The following TCP11L1 variants were observed in gnomAD, a reference collection of about 807,000 sequenced individuals.
The protein encoded by TCP11L1 is t-complex 11 like 1.
A neutral mutation model predicts 48.9 loss-of-function variants in TCP11L1; 28 were observed. The observed-to-expected ratio is 0.57, with a 90% CI of 0.42 to 0.78. TCP11L1 has a LOEUF of 0.78. TCP11L1 is among the 30% of genes least tolerant of loss of function. The pLI is 0.00. For missense variants in TCP11L1, 505 were observed against 613.4 expected, an observed-to-expected ratio of 0.82 and a Z score of 1.87; for synonymous variants, 204 against 231.9, an observed-to-expected ratio of 0.88 and a Z score of 1.09.
rs556871696 is a variant in TCP11L1, at chr11:33,073,253, C to CT, written c.*588dup. The CT allele has an allele frequency of 0.024, 3,609 of 148,234 alleles. 60 individuals are homozygous for CT. Among genetic ancestry groups the CT allele is most frequent in the Non-Finnish European group, 0.032 (2,138 of 66,924 alleles). The allele number at this position is 148,234 out of a possible 1,614,324, so 9.2% of individuals were successfully genotyped here. A position where few individuals can be genotyped will look rare whatever the true frequency, so the allele number is the denominator to read the frequency against. ...AGAGGAGAGTTATTTGTCTCTCTCT[C>CT]TTTTTTTTTTTACTTTCTTTTTTGT... On this transcript the variant is annotated 3_prime_UTR_variant, in exon 10 of 10. Transcript: ENST00000334274.
At position 33,068,827 on chromosome 11, in the gene TCP11L1, C is replaced by T; in HGVS notation, c.1295C>T (p.Ala432Val). The T allele has an allele frequency of 6.2e-7, 1 of 1,614,020 alleles. No individual in the cohort carries two copies. The highest frequency in any genetic ancestry group is 8.5e-7 in the Non-Finnish European group (1 of 1,179,914). Residue 432 changes from alanine to valine, a missense_variant, in exon 9 of 10, where the codon GCC becomes GTC. Around this residue, in one of 3 missense-constraint regions of TCP11L1, gnomAD observed 335 missense variants for 413.3 expected, o/e 0.81. Coordinates refer to ENST00000334274, the MANE Select transcript of TCP11L1 (RefSeq NM_018393.4). ...TVLKGQIQAV[A>V]SPDDPIRRIM... is the part of the protein sequence containing the mutation. ...CTCAAGGGCCAGATCCAGGCCGTGGCCAGTCCCGATGACCCCATTCGCAGG... is the reference window on the plus strand; with the variant it reads ...CTCAAGGGCCAGATCCAGGCCGTGGTCAGTCCCGATGACCCCATTCGCAGG...
rs368870869 is a variant in TCP11L1 at position 33,043,966 on chromosome 11, A to G, written c.163+30A>G. The G allele has an allele frequency of 2.9e-5, 46 of 1,564,842 alleles. No individual in the cohort carries two copies. In the East Asian group the frequency reaches 3.2e-4, roughly 11 times the overall value. On this transcript the variant is annotated intron_variant, in intron 2 of 9. Transcript: ENST00000334274. Reference sequence around the variant, plus strand: ...GCAAATTTGACTTTGGTTAGATGCAATATTGTCATTGTTTTCAGGTGACGG... The same window carrying G: ...GCAAATTTGACTTTGGTTAGATGCAGTATTGTCATTGTTTTCAGGTGACGG...
Position 33,072,828 on chromosome 11 carries a change from G to C in TCP11L1, c.*152G>C. On this transcript the variant is annotated 3_prime_UTR_variant, in exon 10 of 10. Coordinates refer to ENST00000334274, the MANE Select transcript of TCP11L1 (RefSeq NM_018393.4). ...GAATATTGTGTATCACTGTTGAAAA[G>C]ACTTGTTGAGAAATCCACTGAATTC... 1.3e-6 allele frequency: 1 copy of C among 793,084 alleles called. No homozygotes were observed. 49.1% of individuals were successfully genotyped at this position (793,084 alleles called of 1,614,324 possible). A position where few individuals can be genotyped will look rare whatever the true frequency, so the allele number is the denominator to read the frequency against.
At position 33,054,658 on chromosome 11, in the gene TCP11L1, G is replaced by T; in HGVS notation, c.229G>T (p.Ala77Ser). 6.2e-7 allele frequency: 1 copy of T among 1,613,896 alleles called. No individual in the cohort carries two copies. The highest frequency in any genetic ancestry group is 8.5e-7 in the Non-Finnish European group (1 of 1,179,922). ...LETARGVTNM[A>S]LAHEIVVNGD... ...GACAGCGAGAGGTGTCACCAACATG[G>T]CTCTAGCCCATGAAATTGTAGTAAA... Residue 77 changes from alanine (A) to serine (S), a missense_variant, in exon 3 of 10, where the codon GCT becomes TCT. Ala to Ser is a moderately conservative substitution (Grantham distance 99, BLOSUM62 1). Around this residue, in one of 3 missense-constraint regions of TCP11L1, gnomAD observed 168 missense variants for 183.5 expected, o/e 0.92. Transcript: ENST00000334274.
intron 1 of TCP11L1, among the ~76,000 whole-genome samples, chr11:33,042,331 C>T (rs1270250770): frequency 6.6e-5 from 10 of 152,074 alleles, no homozygotes; most frequent in African/African-American, 9.7e-5. Flanking sequence ...GGGGTTTCAG[C>T]GTGTTAGCCA....
At chr11:33,048,297 A>C (rs1364426948) in intron 2 of TCP11L1, among the ~76,000 whole-genome samples, 2 of 151,968 alleles carry the variant, frequency 1.3e-5, no homozygotes, top group Admixed American at 1.3e-4. Flanking sequence ...ACAAGTGTGC[A>C]CCACCATGTC....
intron 8 of TCP11L1, among the ~76,000 whole-genome samples, chr11:33,068,475 A>G (rs1223675159): frequency 1.3e-5 from 2 of 151,842 alleles, no homozygotes; most frequent in Non-Finnish European, 2.9e-5. Context: ...TGCCCTTCCC[A>G]CTGTCCTTTC....
At chr11:33,052,906 T>C (rs1009645388) in intron 2 of TCP11L1, among the ~76,000 whole-genome samples, 4 of 152,130 alleles carry the variant, frequency 2.6e-5, no homozygotes, top group East Asian at 1.9e-4. Context: ...GGTGGGAAGA[T>C]GATTTGAGCC....
At chr11:33,050,130 A>T (rs1854115999) in intron 2 of TCP11L1, among the ~76,000 whole-genome samples, 1 of 152,244 alleles carries the variant, frequency 6.6e-6, no homozygotes, top group Non-Finnish European at 1.5e-5. Flanking sequence ...AACACAGCAC[A>T]GGTCTCTGCT....
chr11:33,058,622 G>A (rs1180815005), intron 5 of TCP11L1, among the ~76,000 whole-genome samples: 1 of 151,694 alleles, frequency 6.6e-6, no homozygotes, highest in African/African-American at 2.4e-5. Context: ...CCTCTCAGAG[G>A]CATAATCACT....
intron 2 of TCP11L1, among the ~76,000 whole-genome samples, chr11:33,047,216 G>GAA (rs11385765): frequency 2.1e-3 from 274 of 133,224 alleles, no homozygotes; most frequent in African/African-American, 5.7e-3. Context: ...TTCATCTCAA[G>GAA]AAAAAAAAAA....
intron 1 of TCP11L1, chr11:33,040,767 TCC>T (rs1853807351): frequency 8.2e-5 from 5 of 61,040 alleles, no homozygotes; most frequent in African/African-American, 2.8e-4. Context: ...CCTTTTCACC[TCC>T]TCTCCCCCTC....
At chr11:33,044,606 A>G (rs1853934609) in intron 2 of TCP11L1, among the ~76,000 whole-genome samples, 1 of 152,210 alleles carries the variant, frequency 6.6e-6, no homozygotes, top group South Asian at 2.1e-4. Flanking sequence ...TAAATTGTAG[A>G]TGATCAGTAG....
intron 1 of TCP11L1, chr11:33,040,918 G>T (rs1853813786): frequency 2.0e-5 from 3 of 152,106 alleles, no homozygotes; most frequent in Admixed American, 6.5e-5. Flanking sequence ...TATTCCCTGG[G>T]CAATTTCATA....
chr11:33,072,851 T>C lies in TCP11L1; in HGVS notation c.*175T>C. Reference sequence around the variant, plus strand: ...AAGACTTGTTGAGAAATCCACTGAATTCTATTTTGAGAGATTGTATTTATG... The same window carrying C: ...AAGACTTGTTGAGAAATCCACTGAACTCTATTTTGAGAGATTGTATTTATG... On this transcript the variant is annotated 3_prime_UTR_variant, in exon 10 of 10. Transcript: ENST00000334274. 5.7e-6 allele frequency: 4 copies of C among 703,356 alleles called. No homozygotes were observed. The highest frequency in any genetic ancestry group is 2.9e-5 in the Admixed American group (1 of 34,208). The allele number at this position is 703,356 out of a possible 1,614,324, so 43.6% of individuals were successfully genotyped here. A position where few individuals can be genotyped will look rare whatever the true frequency, so the allele number is the denominator to read the frequency against.
intron 2 of TCP11L1, among the ~76,000 whole-genome samples, chr11:33,053,280 G>T (rs1590227530): frequency 6.6e-6 from 1 of 152,160 alleles, no homozygotes; most frequent in Non-Finnish European, 1.5e-5. Context: ...AAGGAGCTGG[G>T]ATTACAGGCA....
intron 8 of TCP11L1, among the ~76,000 whole-genome samples, chr11:33,066,517 T>C (rs1854625020): frequency 6.6e-6 from 1 of 151,920 alleles, no homozygotes. Context: ...TTGCTTGCCT[T>C]GAGGAATTGG....
At chr11:33,055,952 G>C (rs1275106258) in intron 3 of TCP11L1, among the ~76,000 whole-genome samples, 1 of 152,162 alleles carries the variant, frequency 6.6e-6, no homozygotes, top group Non-Finnish European at 1.5e-5. Flanking sequence ...TGAGTAGCTG[G>C]GATTATAGGC....
At chr11:33,058,525 G>A (rs1311094766) in intron 5 of TCP11L1, among the ~76,000 whole-genome samples, 1 of 145,476 alleles carries the variant, frequency 6.9e-6, no homozygotes, top group Non-Finnish European at 1.5e-5. Flanking sequence ...TAAACTTCCT[G>A]AAGTCTTGGT....
Sources: gnomAD v4.1 joint callset for allele counts (sites outside exome capture counted in the v4.1 genomes callset) on GRCh38, gnomAD v4.1.1 for gene constraint, gnomAD v4.1.1 regional missense constraint, MANE v1.5 for transcripts, NCBI Gene and HGNC (gene_info 2026-07-23, HGNC 2026-07-21) for gene names.